The following FHAD1 variants were observed in gnomAD, a reference collection of about 807,000 sequenced individuals.
FHAD1 encodes the protein forkhead-associated domain-containing protein 1.
A neutral mutation model predicts 191.3 loss-of-function variants in FHAD1; 146 were observed. That is an observed-to-expected ratio of 0.76 (90% CI 0.67 to 0.88). FHAD1 has a LOEUF of 0.88. Ranked by LOEUF, FHAD1 falls within the 40% of genes least tolerant of loss-of-function variation. The pLI is 0.00. For synonymous variants in FHAD1, 616 were observed against 672.3 expected (o/e 0.92, Z 1.29); for missense variants, 1,635 against 1,785.8 (o/e 0.92, Z 1.52).
At chr1:15,282,686 C>A (rs940675769) in intron 3 of FHAD1, among the ~76,000 whole-genome samples, 1 of 152,216 alleles carries the variant, frequency 6.6e-6, no homozygotes, top group Admixed American at 6.5e-5. Flanking sequence ...TCCTCCATAT[C>A]TTTTGTGCTA....
chr1:15,339,568 C>CT lies in FHAD1; in HGVS notation c.1977+24dup. Reference sequence around the variant, plus strand: ...GAACTTCAGGTAATTCTTTTAATTTCTTTTTTTCCAAAGTTCATTTCGGCC... The same window carrying CT: ...GAACTTCAGGTAATTCTTTTAATTTCTTTTTTTTCCAAAGTTCATTTCGGCC... On this transcript the variant is annotated intron_variant, in intron 15 of 33. Coordinates refer to ENST00000688493, the MANE Select transcript of FHAD1 (RefSeq NM_001391957.1). 8.0e-7 allele frequency: 1 copy of CT among 1,244,218 alleles called. No homozygotes were observed. Among genetic ancestry groups the CT allele is most frequent in the South Asian group, 1.3e-5 (1 of 76,646 alleles). 77.1% of individuals were successfully genotyped at this position (1,244,218 alleles called of 1,614,324 possible).
chr1:15,361,086 C>A (rs1184733852), intron 22 of FHAD1, among the ~76,000 whole-genome samples: 2 of 152,180 alleles, frequency 1.3e-5, no homozygotes, highest in Admixed American at 1.3e-4. Flanking sequence ...CTAATGCACT[C>A]ATTACCAGCC....
rs747370305 is a variant in FHAD1, at chr1:15,308,668, G to A, written c.971G>A (p.Arg324Gln). 64 of 1,551,628 alleles carry A rather than the reference G, an allele frequency of 4.1e-5. No homozygotes were observed. The highest frequency in any genetic ancestry group is 9.5e-5 in the South Asian group (8 of 84,070). The change falls in exon 7 of 34, where the codon CGG (arginine) becomes CAG (glutamine). Residue 324 changes from arginine (R) to glutamine (Q), a missense_variant. By Grantham distance (43) the Arg-to-Gln change is conservative. Transcript: ENST00000688493. ...SKVLCQTLSE[R>Q]NSEITSLKNE... ...GTGCTGTGCCAGACCCTGTCAGAGC[G>A]GAACTCAGAAATCACATCCCTGAAG... is the stretch of plus-strand genomic sequence containing the variant.
intron 20 of FHAD1, among the ~76,000 whole-genome samples, chr1:15,355,320 G>GA (rs1251712890): frequency 6.6e-6 from 1 of 152,090 alleles, no homozygotes; most frequent in Non-Finnish European, 1.5e-5. Context: ...CATTTACCAG[G>GA]AAAATCCAAG....
In FHAD1 at chr1:15,329,041, A is replaced by C. The variant is rs1297370124; in HGVS notation, c.1711-305A>C. 2 of 217,472 alleles carry C rather than the reference A, an allele frequency of 9.2e-6. No homozygotes were observed. Among genetic ancestry groups the C allele is most frequent in the Non-Finnish European group, 1.8e-5 (2 of 110,954 alleles). The allele number at this position is 217,472 out of a possible 1,614,324, so 13.5% of individuals were successfully genotyped here. ...TCTTGGCAGGAATTCTGACGAATGGAAAAAAGAAGTAGCCACATTTGCTTC... is the reference window on the plus strand; with the variant it reads ...TCTTGGCAGGAATTCTGACGAATGGCAAAAAGAAGTAGCCACATTTGCTTC... On this transcript the variant is annotated intron_variant, in intron 13 of 33. Transcript: ENST00000688493. This position sits in a 1 kb window ranked among gnomAD's most constrained non-coding sequence, Gnocchi z 5.0.
At chr1:15,305,164 TA>T (rs1010404624) in intron 6 of FHAD1, among the ~76,000 whole-genome samples, 104 of 152,346 alleles carry the variant, frequency 6.8e-4, no homozygotes, top group African/African-American at 2.3e-3. Flanking sequence ...CACCGTAGAA[TA>T]ATCAGAGCTA....
Position 15,316,493 on chromosome 1 carries a change from G to A in FHAD1, c.1260+26G>A. 6.5e-7 allele frequency: 1 copy of A among 1,543,662 alleles called. No homozygotes were observed. Among genetic ancestry groups the A allele is most frequent in the African/African-American group, 1.4e-5 (1 of 72,878 alleles). On this transcript the variant is annotated intron_variant, in intron 9 of 33. Coordinates refer to ENST00000688493, the MANE Select transcript of FHAD1 (RefSeq NM_001391957.1). The surrounding 1 kb of genome is among the most constrained non-coding windows in gnomAD (Gnocchi z 4.3). The stretch of plus-strand genomic sequence containing the variant: ...GTGAGTTGAGCTTCCTCCTTTGTAG[G>A]TACCACCAGAAAAAACAGAGTTTGA...
chr1:15,249,289 C>T, intron 1 of FHAD1, among the ~76,000 whole-genome samples: 1 of 112,298 alleles, frequency 8.9e-6, no homozygotes, highest in Admixed American at 8.5e-5. Context: ...GGGGGAAGAG[C>T]TAAAAAAAAA....
intron 5 of FHAD1, among the ~76,000 whole-genome samples, chr1:15,300,188 C>G (rs1668297111): frequency 1.3e-5 from 2 of 152,120 alleles, no homozygotes; most frequent in Admixed American, 1.3e-4. Flanking sequence ...TTTTTTCCCC[C>G]TTTTTTGGGA....
chr1:15,401,134 A>C (rs1707115478), downstream of FHAD1, among the ~76,000 whole-genome samples: 2 of 152,344 alleles, frequency 1.3e-5, no homozygotes, highest in East Asian at 3.9e-4. Flanking sequence ...TGTAAACAAC[A>C]GATACCTCCT....
intron 2 of FHAD1, among the ~76,000 whole-genome samples, chr1:15,260,286 G>T (rs1306974644): frequency 6.6e-6 from 1 of 152,318 alleles, no homozygotes; most frequent in East Asian, 1.9e-4. Flanking sequence ...GTGTGTGTAT[G>T]GTGGGGAACT....
chr1:15,291,830 A>G (rs1664871965), intron 4 of FHAD1, among the ~76,000 whole-genome samples: 1 of 152,196 alleles, frequency 6.6e-6, no homozygotes, highest in Non-Finnish European at 1.5e-5. Context: ...TCAGTTCCTC[A>G]CTAGCTGACA....
At chr1:15,274,611 CAA>C (rs112527521) in intron 3 of FHAD1, among the ~76,000 whole-genome samples, 169 of 145,568 alleles carry the variant, frequency 1.2e-3, no homozygotes, top group African/African-American at 2.7e-3. Context: ...GACTCCGCCT[CAA>C]AAAAAAAAAA....
Position 15,327,319 on chromosome 1 carries a change from T to A in FHAD1, c.1557+177T>A. 1 of 558,092 alleles carries A rather than the reference T, an allele frequency of 1.8e-6. No individual in the cohort carries two copies. Among genetic ancestry groups the A allele is most frequent in the Non-Finnish European group, 3.2e-6 (1 of 311,380 alleles). 34.6% of individuals were successfully genotyped at this position (558,092 alleles called of 1,614,324 possible). ...TTATGGGATTTCCTGGCTTTTAAAG[T>A]AAAAGCCAGTTAAAACTCCCTTGAA... On this transcript the variant is annotated intron_variant, in intron 12 of 33. Transcript: ENST00000688493. The surrounding 1 kb of genome is among the most constrained non-coding windows in gnomAD (Gnocchi z 5.1).
Position 15,341,721 on chromosome 1 carries a change from T to G in FHAD1, c.1978-15T>G, listed in dbSNP as rs1036286183. On this transcript the variant is annotated splice_polypyrimidine_tract_variant and intron_variant, in intron 15 of 33. Transcript: ENST00000688493. ...TGTCCCCCATCAGCATCGGTTTACTTTTCTCACATTTCAGATCAAGTTCAA... is the reference window on the plus strand; with the variant it reads ...TGTCCCCCATCAGCATCGGTTTACTGTTCTCACATTTCAGATCAAGTTCAA... 2 of 1,544,932 alleles carry G rather than the reference T, an allele frequency of 1.3e-6. No individual in the cohort carries two copies. Among genetic ancestry groups the G allele is most frequent in the African/African-American group, 1.4e-5 (1 of 72,708 alleles).
chr1:15,366,755 T>C (rs1397933669), intron 24 of FHAD1, among the ~76,000 whole-genome samples: 1 of 152,236 alleles, frequency 6.6e-6, no homozygotes, highest in Non-Finnish European at 1.5e-5. Context: ...AGTTCTGTGC[T>C]GTTCTGGACA....
intron 14 of FHAD1, among the ~76,000 whole-genome samples, chr1:15,338,387 A>G (rs1000990917): frequency 4.6e-5 from 7 of 152,068 alleles, no homozygotes; most frequent in Admixed American, 2.6e-4. Flanking sequence ...GCGATGTGGC[A>G]TCTTCCAGTC....
In FHAD1 at chr1:15,353,720, A is replaced by G. The variant is rs868342374; in HGVS notation, c.2562+736A>G. Among the ~76,000 whole-genome samples, 287 of 148,660 alleles carry G rather than the reference A, an allele frequency of 1.9e-3. 4 individuals carry two copies. The Middle Eastern group carries it at 0.024, about 12-fold the overall frequency. ...ACTCCATCTCAAAAAAAAAAAAAAA[A>G]AAAAAAGAAAAGAAAAAAAAAAAAA... On this transcript the variant is annotated intron_variant, in intron 20 of 33. Transcript: ENST00000688493.
chr1:15,388,156 A>C, intron 32 of FHAD1, 25 bp downstream of exon 32: 1 of 1,264,184 alleles, frequency 7.9e-7, no homozygotes, highest in Non-Finnish European at 1.0e-6. Flanking sequence ...CTGATGTTGC[A>C]GACACAGAGT....
Sources: allele counts gnomAD v4.1 joint callset (sites outside exome capture counted in the v4.1 genomes callset), GRCh38; gene constraint gnomAD v4.1.1; non-coding constraint Gnocchi (gnomAD v3.1); transcripts MANE v1.5; gene names NCBI Gene and HGNC (gene_info 2026-07-23, HGNC 2026-07-21).